The following REST variants were observed in gnomAD, a reference collection of about 807,000 sequenced individuals.
REST encodes RE1-silencing transcription factor.
Under a neutral mutation model 30.4 loss-of-function variants are expected in REST, and 1 was observed. The ratio of observed to expected loss-of-function variants is 0.03; its 90% CI spans 0.01 to 0.16. The LOEUF (loss-of-function observed/expected upper bound fraction) is 0.16. Among genes scored for constraint, REST ranks in the 10% least tolerant of loss-of-function variants. REST has a pLI of 1.00. For synonymous variants in REST, 504 were observed against 451.1 expected, an observed-to-expected ratio of 1.12 and a Z score of -1.49; for missense variants, 1,259 against 1,329.5, an observed-to-expected ratio of 0.95 and a Z score of 0.82.
intron 3 of REST, among the ~76,000 whole-genome samples, chr4:56,923,984 G>A (rs1034504143): frequency 6.6e-6 from 1 of 152,094 alleles, no homozygotes; most frequent in Non-Finnish European, 1.5e-5. Context: ...GCCTCCCAAA[G>A]TGCTGGGATT....
chr4:56,926,863 G>A (rs1483624746), intron 3 of REST, among the ~76,000 whole-genome samples: 3 of 151,856 alleles, frequency 2.0e-5, no homozygotes, highest in East Asian at 3.9e-4. Flanking sequence ...TTGGGAGGCC[G>A]AGGAGGGTGG....
intron 1 of REST, chr4:56,909,523 G>C (rs1194989956): frequency 1.3e-5 from 2 of 152,238 alleles, no homozygotes; most frequent in African/African-American, 4.8e-5. Flanking sequence ...AGCTTGGGCT[G>C]TTCAGCCCCG....
chr4:56,930,755 C>A lies in REST; in HGVS notation c.1897C>A (p.Pro633Thr). The change falls in exon 4 of 4, where the codon CCC becomes ACC. Residue 633 changes from proline (P) to threonine (T), a missense_variant. Pro to Thr is a conservative substitution (Grantham distance 38, BLOSUM62 -1). Transcript: ENST00000309042. Reference protein sequence around the residue: ...KGPVQVEPPPPMEHAQMEGAQ... With the variant: ...KGPVQVEPPPTMEHAQMEGAQ... The stretch of plus-strand genomic sequence containing the variant: ...GCCCGTTCAGGTGGAGCCGCCACCT[C>A]CCATGGAGCATGCTCAGATGGAGGG... 6.2e-7 allele frequency: 1 copy of A among 1,603,906 alleles called. No individual in the cohort carries two copies. Among genetic ancestry groups the A allele is most frequent in the South Asian group, 1.1e-5 (1 of 89,746 alleles).
At chr4:56,922,312 T>TTATTAC (rs1235592676) in intron 3 of REST, 1 of 129,824 alleles carries the variant, frequency 7.7e-6, no homozygotes, top group Non-Finnish European at 1.6e-5. Context: ...ATTATTATTA[T>TTATTAC]TACTTTTTTT....
rs747526905 is a variant in REST, at chr4:56,910,734, C to T, written c.96C>T (p.Asp32=). 3.0e-5 allele frequency: 48 copies of T among 1,614,068 alleles called. No individual in the cohort carries two copies. The highest frequency in any genetic ancestry group is 4.1e-5 in the Non-Finnish European group (48 of 1,180,056). The part of the protein sequence containing the change: ...IGMALPNDMY[D]LHDLSKAELA... ...TGGCCCTGCCTAACGACATGTATGA[C>T]TTGCATGACCTTTCCAAAGCTGAAC... The change falls in exon 2 of 4, where the codon GAC becomes GAT. Residue 32 remains aspartate, a synonymous_variant. Coordinates refer to ENST00000309042, the MANE Select transcript of REST (RefSeq NM_005612.5).
intron 2 of REST, among the ~76,000 whole-genome samples, chr4:56,912,031 T>C (rs1719946847): frequency 1.3e-5 from 2 of 152,160 alleles, no homozygotes; most frequent in Admixed American, 1.3e-4. Context: ...TGCAGTGTAG[T>C]TTCTGAAAGA....
intron 2 of REST, among the ~76,000 whole-genome samples, chr4:56,911,791 TTACTAAAG>T (rs1719930749): frequency 6.6e-6 from 1 of 152,228 alleles, no homozygotes; most frequent in South Asian, 2.1e-4. Flanking sequence ...TACCGTGGTC[TTACTAAAG>T]TACATATCCT....
chr4:56,930,790 A>G lies in REST; in HGVS notation c.1932A>G (p.Ile644Met), dbSNP rs1720926683. The change falls in exon 4 of 4, where the codon ATA (isoleucine) becomes ATG (methionine). Residue 644 changes from isoleucine to methionine, a missense_variant. Physicochemically the swap from Ile to Met is conservative, Grantham distance 10. Coordinates refer to ENST00000309042, the MANE Select transcript of REST (RefSeq NM_005612.5). ...MEHAQMEGAQ[I>M]RPAPDEPVQM... ...ATGCTCAGATGGAGGGTGCCCAGAT[A>G]CGGCCTGCTCCTGACGAGCCTGTTC... The G allele has an allele frequency of 6.2e-7, 1 of 1,605,718 alleles. No homozygotes were observed. Among genetic ancestry groups the G allele is most frequent in the Non-Finnish European group, 8.5e-7 (1 of 1,176,266 alleles).
intron 2 of REST, among the ~76,000 whole-genome samples, chr4:56,912,064 GA>G (rs1719951747): frequency 1.3e-5 from 2 of 152,228 alleles, no homozygotes; most frequent in Admixed American, 1.3e-4. Flanking sequence ...ATATAAAAAG[GA>G]AAACTCAGTG....
chr4:56,923,466 G>C (rs1162175122), intron 3 of REST, among the ~76,000 whole-genome samples: 1 of 152,046 alleles, frequency 6.6e-6, no homozygotes, highest in East Asian at 1.9e-4. Flanking sequence ...TTATTTTTGA[G>C]ACAGTTTCGC....
At chr4:56,908,269 G>T (rs1309897197) in intron 1 of REST, 56 bp downstream of exon 1, 1 of 213,478 alleles carries the variant, frequency 4.7e-6, no homozygotes, top group East Asian at 8.6e-5. Flanking sequence ...CCGCCCGGGC[G>T]GCGGCAGTGG....
At chr4:56,926,925 C>T (rs948473523) in intron 3 of REST, among the ~76,000 whole-genome samples, 3 of 151,624 alleles carry the variant, frequency 2.0e-5, no homozygotes, top group African/African-American at 7.3e-5. Flanking sequence ...GGAGAAATGC[C>T]GTCTCTACTA....
At chr4:56,917,301 C>T (rs1161630611) in intron 2 of REST, among the ~76,000 whole-genome samples, 2 of 152,154 alleles carry the variant, frequency 1.3e-5, no homozygotes, top group Non-Finnish European at 2.9e-5. Flanking sequence ...ACACATTTCC[C>T]ATCTATCACC....
intron 3 of REST, among the ~76,000 whole-genome samples, chr4:56,924,553 G>A (rs984668571): frequency 3.9e-5 from 6 of 152,038 alleles, no homozygotes; most frequent in African/African-American, 1.4e-4. Context: ...AACCTCTTGG[G>A]CTCAGGCAGT....
At chr4:56,926,099 G>A (rs901796280) in intron 3 of REST, among the ~76,000 whole-genome samples, 1 of 152,092 alleles carries the variant, frequency 6.6e-6, no homozygotes. Context: ...TCACCCTGTC[G>A]TCCAGGCTGG....
intron 1 of REST, among the ~76,000 whole-genome samples, chr4:56,910,360 TGCCAGTG>T (rs762925321): frequency 2.6e-5 from 4 of 152,226 alleles, no homozygotes; most frequent in Non-Finnish European, 4.4e-5. Context: ...AGGCACCACA[TGCCAGTG>T]GCTGAATGAT....
chr4:56,922,140 C>T (rs144735454), intron 3 of REST, among the ~76,000 whole-genome samples: 57 of 152,032 alleles, frequency 3.7e-4, no homozygotes, highest in Middle Eastern at 6.8e-3. Flanking sequence ...TAACCAGAAA[C>T]CTGGTTTTAT....
Position 56,931,965 on chromosome 4 carries a change from G to A in REST, c.3107G>A (p.Arg1036Gln), listed in dbSNP as rs777464251. Residue 1036 changes from arginine to glutamine, a missense_variant, in exon 4 of 4, where the codon CGG becomes CAG. Arg to Gln is a conservative substitution (Grantham distance 43). This residue lies in a region of REST where 856 missense variants were observed against 772.8 expected (regional missense o/e 1.11). Coordinates refer to ENST00000309042, the MANE Select transcript of REST (RefSeq NM_005612.5). ...GATGATTCTGGATTGCATGGGGCTC[G>A]GCCAGTTCCACAAGAATCTAGCAGA... ...GSDDSGLHGARPVPQESSRKN... is the reference protein window; with the variant it reads ...GSDDSGLHGAQPVPQESSRKN... 21 of 1,614,078 alleles carry A rather than the reference G, an allele frequency of 1.3e-5. No individual in the cohort carries two copies. The highest frequency in any genetic ancestry group is 5.0e-5 in the Admixed American group (3 of 60,002).
intron 3 of REST, among the ~76,000 whole-genome samples, chr4:56,924,156 A>G (rs1212579776): frequency 6.6e-6 from 1 of 152,174 alleles, no homozygotes; most frequent in Admixed American, 6.5e-5. Flanking sequence ...CTGTGCCCAG[A>G]CAGACATGTT....
Sources: gnomAD v4.1 joint callset for allele counts (sites outside exome capture counted in the v4.1 genomes callset) on GRCh38, gnomAD v4.1.1 for gene constraint, gnomAD v4.1.1 regional missense constraint, MANE v1.5 for transcripts, NCBI Gene and HGNC (gene_info 2026-07-23, HGNC 2026-07-21) for gene names.